Variants in GABRB1 observed in about 807,000 individuals in gnomAD.
The protein encoded by GABRB1 is gamma-aminobutyric acid type A receptor subunit beta1, also known as gamma-aminobutyric acid receptor subunit beta-1.
GABRB1 carries 17 observed loss-of-function variants against 51.6 expected under a neutral mutation model. The ratio of observed to expected loss-of-function variants is 0.33; its 90% CI spans 0.23 to 0.49. GABRB1 has a LOEUF of 0.49. GABRB1 is among the 20% of genes least tolerant of loss of function. GABRB1 has a pLI of 0.99. For synonymous variants in GABRB1, 247 were observed against 218.9 expected (o/e 1.13, Z -1.14); for missense variants, 410 against 600.6 (o/e 0.68, Z 3.32).
intron 3 of GABRB1, among the ~76,000 whole-genome samples, chr4:47,125,456 G>A (rs1716078066): frequency 6.6e-6 from 1 of 151,452 alleles, no homozygotes; most frequent in South Asian, 2.1e-4. Flanking sequence ...CAGTAATAAT[G>A]GGGCATATAT....
intron 3 of GABRB1, among the ~76,000 whole-genome samples, chr4:47,111,228 A>T (rs910619240): frequency 6.6e-6 from 1 of 152,078 alleles, no homozygotes; most frequent in African/African-American, 2.4e-5. Context: ...AGTTGAAGAT[A>T]ATTTTTCAAC....
chr4:47,384,417 A>T (rs1464683711), intron 5 of GABRB1, among the ~76,000 whole-genome samples: 1 of 60,132 alleles, frequency 1.7e-5, no homozygotes, highest in Non-Finnish European at 3.8e-5. Context: ...ACACCAAAAT[A>T]AAAAAAAAAA....
At chr4:47,134,113 G>A (rs1716539754) in intron 3 of GABRB1, among the ~76,000 whole-genome samples, 1 of 152,154 alleles carries the variant, frequency 6.6e-6, no homozygotes, top group Non-Finnish European at 1.5e-5. Flanking sequence ...CTATTTATAA[G>A]TTTTAAAAAG....
intron 4 of GABRB1, among the ~76,000 whole-genome samples, chr4:47,225,035 C>T (rs1161472420): frequency 1.3e-5 from 2 of 152,134 alleles, no homozygotes; most frequent in Admixed American, 6.6e-5. Flanking sequence ...GCTGGGATTA[C>T]AGGCATGCAC....
intron 4 of GABRB1, among the ~76,000 whole-genome samples, chr4:47,249,980 C>T (rs1457665962): frequency 1.3e-5 from 2 of 151,986 alleles, no homozygotes; most frequent in South Asian, 2.1e-4. Flanking sequence ...TTATTTCTTG[C>T]CTGTGTACTT....
chr4:46,993,887 T>C (rs1723881188), exon 1 of GABRB1: 1 of 172,814 alleles, frequency 5.8e-6, no homozygotes. Flanking sequence ...TCCCTTCCGC[T>C]GGGATTTGGA....
Position 47,425,895 on chromosome 4 carries a change from C to T in GABRB1, c.1302C>T (p.Ser434=). 6.2e-7 allele frequency: 1 copy of T among 1,614,122 alleles called. No homozygotes were observed. The highest frequency in any genetic ancestry group is 8.5e-7 in the Non-Finnish European group (1 of 1,179,952). Residue 434 remains serine (S), a synonymous_variant, in exon 9 of 9, where the codon TCC becomes TCT. Coordinates refer to ENST00000295454, the MANE Select transcript of GABRB1 (RefSeq NM_000812.4). The part of the protein sequence containing the change: ...PSKGRIRRRA[S]QLKVKIPDLT... ...AGGGGCGCATCCGCAGGCGTGCCTCCCAGCTCAAAGTCAAGATCCCCGACT... is the reference window on the plus strand; with the variant it reads ...AGGGGCGCATCCGCAGGCGTGCCTCTCAGCTCAAAGTCAAGATCCCCGACT...
At chr4:47,209,052 GA>G (rs1421229190) in intron 4 of GABRB1, among the ~76,000 whole-genome samples, 2 of 151,998 alleles carry the variant, frequency 1.3e-5, no homozygotes, top group African/African-American at 4.8e-5. Context: ...ATAACATGAT[GA>G]ACTGTAGCTG....
chr4:47,176,925 A>C (rs1192676563), intron 4 of GABRB1, among the ~76,000 whole-genome samples: 2 of 152,138 alleles, frequency 1.3e-5, no homozygotes, highest in Non-Finnish European at 2.9e-5. Flanking sequence ...AAAATGAAGA[A>C]ACTGAGGCAG....
chr4:47,285,202 G>A (rs1723463079), intron 4 of GABRB1, among the ~76,000 whole-genome samples: 1 of 152,148 alleles, frequency 6.6e-6, no homozygotes, highest in Non-Finnish European at 1.5e-5. Flanking sequence ...GGTGTGTTGT[G>A]CTCACTACTG....
At chr4:47,320,293 C>G (rs1214475582) in intron 5 of GABRB1, 84 bp downstream of exon 5, 16 of 875,810 alleles carry the variant, frequency 1.8e-5, no homozygotes, top group Non-Finnish European at 3.1e-5. Context: ...TTAATTAGCA[C>G]CAGGATTTTC....
intron 3 of GABRB1, among the ~76,000 whole-genome samples, chr4:47,156,037 G>A (rs1577958665): frequency 6.7e-6 from 1 of 149,664 alleles, no homozygotes; most frequent in Non-Finnish European, 1.5e-5. Flanking sequence ...ATAAAAATGG[G>A]AGTGCAGATA....
intron 4 of GABRB1, among the ~76,000 whole-genome samples, chr4:47,176,424 A>G (rs1560572223): frequency 6.6e-6 from 1 of 152,160 alleles, no homozygotes; most frequent in Admixed American, 6.6e-5. Flanking sequence ...CAGTATGTTT[A>G]TAAGGTTTTT....
chr4:47,046,191 C>G (rs1210674732), intron 3 of GABRB1, among the ~76,000 whole-genome samples: 1 of 152,070 alleles, frequency 6.6e-6, no homozygotes, highest in African/African-American at 2.4e-5. Context: ...AACTGTGAGT[C>G]AATTAAATTC....
intron 4 of GABRB1, among the ~76,000 whole-genome samples, chr4:47,272,431 C>T (rs1722907439): frequency 6.6e-6 from 1 of 152,026 alleles, no homozygotes; most frequent in Non-Finnish European, 1.5e-5. Flanking sequence ...TCTTTACTGG[C>T]ATGATTACAT....
At chr4:47,159,823 T>C (rs978627370) in intron 3 of GABRB1, among the ~76,000 whole-genome samples, 9 of 152,100 alleles carry the variant, frequency 5.9e-5, no homozygotes, top group Non-Finnish European at 1.2e-4. Context: ...ATCATTCTTT[T>C]TCCCCACTGG....
At position 47,205,134 on chromosome 4, in the gene GABRB1, A is replaced by G. The variant is rs1720062195; in HGVS notation, c.461+43665A>G. ...CATATGAAATCCATGTGGCAACAGT[A>G]ATAGACTCTACTTCTAATTCTAAGG... On this transcript the variant is annotated intron_variant, in intron 4 of 8. Transcript: ENST00000295454. 2.0e-5 allele frequency among the ~76,000 whole-genome samples: 3 copies of G among 152,158 alleles called. No individual in the cohort carries two copies. In the South Asian group the frequency reaches 6.2e-4, roughly 32 times the overall value.
intron 4 of GABRB1, among the ~76,000 whole-genome samples, chr4:47,255,285 G>T (rs1722156623): frequency 6.6e-6 from 1 of 152,146 alleles, no homozygotes. Context: ...ATTCATCATT[G>T]TCTGGCAAAT....
chr4:47,324,972 C>T (rs1415719509), intron 5 of GABRB1, among the ~76,000 whole-genome samples: 4 of 152,170 alleles, frequency 2.6e-5, no homozygotes, highest in African/African-American at 4.8e-5. Flanking sequence ...ATTTCTCCCC[C>T]GCTCTATTGC....
Sources: allele counts gnomAD v4.1 joint callset (sites outside exome capture counted in the v4.1 genomes callset), GRCh38; gene constraint gnomAD v4.1.1; transcripts MANE v1.5; gene names NCBI Gene and HGNC (gene_info 2026-07-23, HGNC 2026-07-21).